The following CSMD2 variants were observed in gnomAD, a reference collection of about 807,000 sequenced individuals.
CSMD2 encodes the protein CUB and sushi domain-containing protein 2.
CSMD2 carries 130 observed loss-of-function variants against 398.5 expected under a neutral mutation model. The observed-to-expected ratio is 0.33, with a 90% confidence interval of 0.28 to 0.38. The LOEUF (loss-of-function observed/expected upper bound fraction) is 0.38, where lower values mean the gene tolerates loss of function less well. Ranked by LOEUF, CSMD2 falls within the 10% of genes least tolerant of loss-of-function variation. CSMD2 has a pLI of 1.00. For missense variants in CSMD2, 3,829 were observed against 4,764.9 expected, an observed-to-expected ratio of 0.80 and a Z score of 5.78; for synonymous variants, 1,828 against 1,908.5, an observed-to-expected ratio of 0.96 and a Z score of 1.10.
At chr1:34,150,099 T>TTTTTA (rs1640165101) in intron 1 of CSMD2, among the ~76,000 whole-genome samples, 1 of 150,070 alleles carries the variant, frequency 6.7e-6, no homozygotes, top group African/African-American at 2.4e-5. Context: ...TGTTTTTTTT[T>TTTTTA]GAGACAGGGT....
At chr1:33,846,098 T>G (rs969136906) in intron 6 of CSMD2, among the ~76,000 whole-genome samples, 9 of 152,246 alleles carry the variant, frequency 5.9e-5, no homozygotes, top group African/African-American at 2.2e-4. Context: ...AAACGCAATG[T>G]CGAAAAGGAA....
chr1:33,584,442 C>T (rs531317382), intron 46 of CSMD2, among the ~76,000 whole-genome samples: 8 of 152,148 alleles, frequency 5.3e-5, no homozygotes, highest in African/African-American at 1.2e-4. Flanking sequence ...GAGGCCGGGG[C>T]GGGTGAATCA....
intron 3 of CSMD2, among the ~76,000 whole-genome samples, chr1:34,008,090 A>G (rs1004186606): frequency 3.3e-5 from 5 of 152,186 alleles, no homozygotes; most frequent in Non-Finnish European, 7.4e-5. Flanking sequence ...GAATTCTGAA[A>G]TTTGCTGTCA....
At chr1:33,844,285 T>C (rs529327047) in intron 6 of CSMD2, among the ~76,000 whole-genome samples, 103 of 117,134 alleles carry the variant, frequency 8.8e-4, no homozygotes, top group African/African-American at 2.9e-3. Flanking sequence ...ACTGTGTGTG[T>C]GTGGGGGGGC....
intron 5 of CSMD2, among the ~76,000 whole-genome samples, chr1:33,867,425 C>A (rs1163356530): frequency 1.3e-5 from 2 of 152,242 alleles, no homozygotes; most frequent in Non-Finnish European, 2.9e-5. Flanking sequence ...TGAAGCAATG[C>A]ACACAGCTAA....
intron 3 of CSMD2, among the ~76,000 whole-genome samples, chr1:33,985,806 C>T (rs1157615797): frequency 6.6e-6 from 1 of 152,116 alleles, no homozygotes; most frequent in Admixed American, 6.5e-5. Flanking sequence ...CCTTTCAAGC[C>T]TCCAGTCTAT....
chr1:33,875,722 T>C (rs1406662795), intron 5 of CSMD2: 1 of 152,218 alleles, frequency 6.6e-6, no homozygotes, highest in Admixed American at 6.5e-5. Flanking sequence ...CTTCATAAAT[T>C]TTATTTACAA....
At chr1:34,073,462 A>G (rs944688425) in intron 2 of CSMD2, among the ~76,000 whole-genome samples, 3 of 152,192 alleles carry the variant, frequency 2.0e-5, no homozygotes, top group African/African-American at 7.2e-5. Context: ...TCCTTATTTA[A>G]AAAGAAATTG....
At position 33,645,342 on chromosome 1, in the gene CSMD2, TATACAC is replaced by T. The variant is rs1202065260; in HGVS notation, c.4774+1300_4774+1305del. ...AGAGTGTTTAGTACATATGGAGCAT[TATACAC>T]ACACACACACACACACACACACACA... On this transcript the variant is annotated intron_variant, in intron 29 of 70. Coordinates refer to ENST00000373381, the MANE Select transcript of CSMD2 (RefSeq NM_001281956.2). 5.0e-4 allele frequency among the ~76,000 whole-genome samples: 52 copies of T among 104,300 alleles called. No individual in the cohort carries two copies. The South Asian group carries it at 5.0e-3, about 10-fold the overall frequency. The allele number at this position is 104,300 out of a possible 152,430, so 68.4% of individuals were successfully genotyped here. A position where few individuals can be genotyped will look rare whatever the true frequency, so the allele number is the denominator to read the frequency against.
intron 41 of CSMD2, among the ~76,000 whole-genome samples, chr1:33,606,628 C>A (rs1640632197): frequency 6.6e-6 from 1 of 152,216 alleles, no homozygotes; most frequent in Admixed American, 6.5e-5. Flanking sequence ...AGCAGGGGGC[C>A]TTTTGCCCAG....
intron 2 of CSMD2, among the ~76,000 whole-genome samples, chr1:34,044,616 G>A (rs2148199528): frequency 6.6e-6 from 1 of 152,286 alleles, no homozygotes; most frequent in East Asian, 1.9e-4. Flanking sequence ...CTGAGATGTG[G>A]TTCTGTGCTG....
chr1:34,000,102 G>T (rs564733441), intron 3 of CSMD2, among the ~76,000 whole-genome samples: 3 of 152,248 alleles, frequency 2.0e-5, no homozygotes, highest in Admixed American at 1.3e-4. Context: ...GCCAAATACT[G>T]AGAAACGTGA....
intron 49 of CSMD2, among the ~76,000 whole-genome samples, chr1:33,573,512 A>G (rs12060273): frequency 0.097 from 14,593 of 150,704 alleles, 795 homozygotes; most frequent in African/African-American, 0.14. Context: ...TCTGAAGGAA[A>G]AAAAAACAAA....
At chr1:33,683,815 A>C (rs751136134) in intron 25 of CSMD2, among the ~76,000 whole-genome samples, 13 of 152,226 alleles carry the variant, frequency 8.5e-5, no homozygotes, top group Non-Finnish European at 1.3e-4. Context: ...TGAAGACTTA[A>C]ATCTGACAAA....
In CSMD2 at chr1:33,557,809, A is replaced by G; in HGVS notation, c.8668T>C (p.Phe2890Leu). The change falls in exon 55 of 71, where the codon TTC (phenylalanine) becomes CTC (leucine). Residue 2890 changes from phenylalanine to leucine, a missense_variant. This residue lies in a region of CSMD2 where 917 missense variants were observed against 1,199.5 expected (regional missense o/e 0.76). Transcript: ENST00000373381. The stretch of plus-strand genomic sequence containing the variant: ...AGCACTGGGGTGCCCAGGAGGTAGA[A>G]GCCGTGGTTGCACCGGTAAGACACA... ...TTVSYRCNHGFYLLGTPVLSC... is the reference protein window; with the variant it reads ...TTVSYRCNHGLYLLGTPVLSC... 2.6e-6 allele frequency: 4 copies of G among 1,536,080 alleles called. No individual in the cohort carries two copies. Among genetic ancestry groups the G allele is most frequent in the Non-Finnish European group, 2.6e-6 (3 of 1,146,900 alleles).
intron 7 of CSMD2, among the ~76,000 whole-genome samples, chr1:33,825,335 A>C (rs1023945970): frequency 6.6e-6 from 1 of 152,230 alleles, no homozygotes; most frequent in East Asian, 1.9e-4. Context: ...TCCCAGCCCA[A>C]GGTTACTGAC....
intron 28 of CSMD2, among the ~76,000 whole-genome samples, chr1:33,650,740 G>C (rs1643713665): frequency 1.3e-5 from 2 of 152,238 alleles, no homozygotes; most frequent in South Asian, 4.1e-4. Context: ...GAAATGATCA[G>C]CCCTAAGGTG....
At position 34,036,395 on chromosome 1, in the gene CSMD2, T is replaced by C. The variant is rs534459803; in HGVS notation, c.405-3689A>G. ...TGGACCTCAAGGTCATTAAGCCAAG[T>C]AGGGAAAAAAAGCTAATCTCAAAAG... On this transcript the variant is annotated intron_variant, in intron 2 of 70. Coordinates refer to ENST00000373381, the MANE Select transcript of CSMD2 (RefSeq NM_001281956.2). 2.6e-5 allele frequency among the ~76,000 whole-genome samples: 4 copies of C among 152,148 alleles called. No individual in the cohort carries two copies. The East Asian group carries it at 7.7e-4, about 29-fold the overall frequency.
At chr1:33,586,773 C>G (rs1464096441) in intron 45 of CSMD2, among the ~76,000 whole-genome samples, 156 bp from the exon 46 acceptor site, 1 of 152,202 alleles carries the variant, frequency 6.6e-6, no homozygotes, top group Non-Finnish European at 1.5e-5. Context: ...CGACTGCTCC[C>G]CTCTCACAAC....
Sources: allele counts gnomAD v4.1 joint callset (sites outside exome capture counted in the v4.1 genomes callset), GRCh38; gene constraint gnomAD v4.1.1; regional missense constraint gnomAD v4.1.1; transcripts MANE v1.5; gene names NCBI Gene and HGNC (gene_info 2026-07-23, HGNC 2026-07-21).